PRIM2: variants seen among roughly 807,000 people sequenced by gnomAD.
PRIM2 encodes the protein DNA primase subunit 2.
A neutral mutation model predicts 67.3 loss-of-function variants in PRIM2; 39 were observed. The ratio of observed to expected loss-of-function variants is 0.58; its 90% CI spans 0.45 to 0.76. The LOEUF is 0.76. PRIM2 is among the 30% of genes least tolerant of loss of function. The pLI, the probability that PRIM2 is intolerant of heterozygous loss-of-function variation, is 0.00. For missense variants in PRIM2, 398 were observed against 598.7 expected (o/e 0.66, Z 3.50); for synonymous variants, 143 against 198.7 (o/e 0.72, Z 2.36).
rs1289421534 is a variant in PRIM2 at position 57,529,325 on chromosome 6, A to C, written c.762-3086A>C. On this transcript the variant is annotated intron_variant, in intron 8 of 13. Transcript: ENST00000615550. Reference sequence around the variant, plus strand: ...CGAGACTCCGTCTCAAAAAAAAAAAACAAAAAACCAAGAACGTGTCTTCAT... The same window carrying C: ...CGAGACTCCGTCTCAAAAAAAAAAACCAAAAAACCAAGAACGTGTCTTCAT... 1.1e-4 allele frequency among the ~76,000 whole-genome samples: 17 copies of C among 152,106 alleles called. No homozygotes were observed. In the South Asian group the frequency reaches 1.5e-3, roughly 13 times the overall value.
At chr6:57,636,020 G>T (rs1777115533) in intron 13 of PRIM2, among the ~76,000 whole-genome samples, 1 of 152,098 alleles carries the variant, frequency 6.6e-6, no homozygotes, top group Admixed American at 6.5e-5. Context: ...TCCTAAATTT[G>T]TTTCAGATCC....
chr6:57,423,944 T>C (rs1180136186), intron 7 of PRIM2, among the ~76,000 whole-genome samples: 2 of 152,226 alleles, frequency 1.3e-5, no homozygotes, highest in Non-Finnish European at 2.9e-5. Flanking sequence ...AGGAGTGCAG[T>C]GGGTACATAC....
chr6:57,231,235 T>C, the PRIM2 span, among the ~76,000 whole-genome samples: 1 of 152,354 alleles, frequency 6.6e-6, no homozygotes, highest in South Asian at 2.1e-4. Flanking sequence ...GGAAAGACCA[T>C]ACTTAAAAAA....
chr6:57,378,809 GTGTTT>G (rs61575061), intron 5 of PRIM2, among the ~76,000 whole-genome samples: 4 of 152,120 alleles, frequency 2.6e-5, no homozygotes, highest in South Asian at 2.1e-4. Context: ...AATTTTATCA[GTGTTT>G]TGTTTTGTTT....
intron 7 of PRIM2, among the ~76,000 whole-genome samples, chr6:57,455,344 T>C (rs1323360488): frequency 6.6e-6 from 1 of 152,212 alleles, no homozygotes; most frequent in Admixed American, 6.5e-5. Flanking sequence ...ATATCCTTGT[T>C]AACTTTCTGT....
intron 11 of PRIM2, among the ~76,000 whole-genome samples, chr6:57,602,774 A>G (rs1482157452): frequency 6.6e-6 from 1 of 152,250 alleles, no homozygotes; most frequent in East Asian, 1.9e-4. Flanking sequence ...CAGTCAAGAA[A>G]TATTATACTT....
At chr6:57,256,430 G>A in the PRIM2 span, among the ~76,000 whole-genome samples, 1 of 152,102 alleles carries the variant, frequency 6.6e-6, no homozygotes, top group Non-Finnish European at 1.5e-5. Context: ...GAATGTGTAT[G>A]CATGTTATCA....
chr6:57,376,600 A>G (rs1263942934), intron 5 of PRIM2, among the ~76,000 whole-genome samples: 1 of 152,230 alleles, frequency 6.6e-6, no homozygotes, highest in Non-Finnish European at 1.5e-5. Context: ...AAAAGCTATT[A>G]CGATTTTATT....
At chr6:57,630,290 TAAAAC>T (rs1210911794) in intron 12 of PRIM2, among the ~76,000 whole-genome samples, 8 of 152,116 alleles carry the variant, frequency 5.3e-5, no homozygotes, top group Non-Finnish European at 7.4e-5. Context: ...CCTAATAAAA[TAAAAC>T]AAAAATAAAA....
intron 5 of PRIM2, among the ~76,000 whole-genome samples, chr6:57,354,046 C>G (rs532248234): frequency 6.6e-6 from 1 of 152,234 alleles, no homozygotes; most frequent in Admixed American, 6.5e-5. Context: ...TGTACTCTTT[C>G]TCTTTCTTCG....
At chr6:57,253,657 GTTA>G in the PRIM2 span, among the ~76,000 whole-genome samples, 1 of 152,068 alleles carries the variant, frequency 6.6e-6, no homozygotes, top group South Asian at 2.1e-4. Context: ...TGTAATCATG[GTTA>G]TTATGAAATA....
chr6:57,258,204 C>T, the PRIM2 span, among the ~76,000 whole-genome samples: 1 of 152,182 alleles, frequency 6.6e-6, no homozygotes, highest in Non-Finnish European at 1.5e-5. Context: ...GGCGTGCTAC[C>T]GTTAAGATTT....
chr6:57,505,084 G>T (rs1774224858), intron 7 of PRIM2: 2 of 152,180 alleles, frequency 1.3e-5, no homozygotes, highest in Admixed American at 1.3e-4. Flanking sequence ...CTAAAATGAA[G>T]TTTGAATTCT....
At chr6:57,488,303 A>T (rs1445049163) in intron 7 of PRIM2, among the ~76,000 whole-genome samples, 1 of 152,184 alleles carries the variant, frequency 6.6e-6, no homozygotes, top group Non-Finnish European at 1.5e-5. Context: ...TTCTGGTGGT[A>T]TTGGTTGGAA....
intron 5 of PRIM2, among the ~76,000 whole-genome samples, chr6:57,332,283 T>C (rs1365363970): frequency 6.6e-6 from 1 of 152,172 alleles, no homozygotes; most frequent in Non-Finnish European, 1.5e-5. Flanking sequence ...TTTTATGACC[T>C]AGCATATGGT....
intron 8 of PRIM2, among the ~76,000 whole-genome samples, chr6:57,522,800 C>T (rs1774653562): frequency 6.6e-6 from 1 of 152,184 alleles, no homozygotes. Context: ...GCTCAATGGT[C>T]ACATTTGGCT....
chr6:57,380,279 A>G (rs1769913357), intron 6 of PRIM2, among the ~76,000 whole-genome samples: 1 of 152,116 alleles, frequency 6.6e-6, no homozygotes, highest in African/African-American at 2.4e-5. Flanking sequence ...TACACCCTGC[A>G]CTGGGCTATC....
the PRIM2 span, among the ~76,000 whole-genome samples, chr6:57,245,386 C>T: frequency 6.6e-6 from 1 of 152,184 alleles, no homozygotes; most frequent in Non-Finnish European, 1.5e-5. Flanking sequence ...GCATCACCTG[C>T]CTACCTCTTA....
the PRIM2 span, among the ~76,000 whole-genome samples, chr6:57,269,481 G>GTTT: frequency 2.0e-5 from 3 of 151,914 alleles, no homozygotes; most frequent in Admixed American, 6.6e-5. Flanking sequence ...TGATGGGATT[G>GTTT]TTTTTTTCTT....
Sources: allele counts gnomAD v4.1 joint callset (sites outside exome capture counted in the v4.1 genomes callset), GRCh38; gene constraint gnomAD v4.1.1; transcripts MANE v1.5; gene names NCBI Gene and HGNC (gene_info 2026-07-23, HGNC 2026-07-21).